SNCAIP: variants seen among roughly 807,000 people sequenced by gnomAD.
SNCAIP encodes synuclein alpha interacting protein, also known as synphilin-1.
SNCAIP carries 43 observed loss-of-function variants against 86.7 expected under a neutral mutation model. That is an observed-to-expected ratio of 0.50 (90% CI 0.39 to 0.64). SNCAIP has a LOEUF of 0.64. Ranked by LOEUF, SNCAIP falls within the 30% of genes least tolerant of loss-of-function variation. The probability of loss-of-function intolerance (pLI) is 0.00; values close to 1 mark genes in which losing one functional copy is unlikely to be tolerated. For missense variants in SNCAIP, 981 were observed against 1,103.1 expected (o/e 0.89, Z 1.57); for synonymous variants, 417 against 427.2 (o/e 0.98, Z 0.29).
At chr5:122,312,869 G>T (rs1750904222) in intron 1 of SNCAIP, 2 of 152,444 alleles carry the variant, frequency 1.3e-5, no homozygotes, top group South Asian at 4.1e-4. Context: ...TTTCAGAGGG[G>T]AATGTTTCTC....
At chr5:122,370,128 C>T (rs1763996716) in intron 1 of SNCAIP, 1 of 151,978 alleles carries the variant, frequency 6.6e-6, no homozygotes, top group African/African-American at 2.4e-5. Flanking sequence ...CCCAGTTACT[C>T]CAATTTGATC....
intron 2 of SNCAIP, among the ~76,000 whole-genome samples, chr5:122,391,915 GC>G (rs991981503): frequency 6.6e-6 from 1 of 152,174 alleles, no homozygotes; most frequent in Non-Finnish European, 1.5e-5. Context: ...GGCCTGGAGT[GC>G]CCCAGCAAAA....
At chr5:122,428,569 T>TG (rs948699841) in intron 5 of SNCAIP, among the ~76,000 whole-genome samples, 1 of 90,220 alleles carries the variant, frequency 1.1e-5, no homozygotes, top group Non-Finnish European at 2.7e-5. Flanking sequence ...TCTCAATAAG[T>TG]TTTTTTTTTT....
chr5:122,391,293 T>A, intron 2 of SNCAIP, 102 bp downstream of exon 2: 1 of 878,078 alleles, frequency 1.1e-6, no homozygotes, highest in Non-Finnish European at 1.9e-6. Flanking sequence ...CTTTTCTGAC[T>A]ACATTTAGAA....
intron 6 of SNCAIP, among the ~76,000 whole-genome samples, chr5:122,439,369 T>C (rs560193993): frequency 1.1e-3 from 166 of 152,302 alleles, no homozygotes; most frequent in African/African-American, 3.9e-3. Flanking sequence ...GATGCCTTCT[T>C]AGAAGGCTGT....
chr5:122,390,157 G>C (rs930333030), intron 1 of SNCAIP, among the ~76,000 whole-genome samples: 2 of 152,074 alleles, frequency 1.3e-5, no homozygotes, highest in South Asian at 4.1e-4. Flanking sequence ...TCAAATCTGG[G>C]TACTTAAGAT....
intron 1 of SNCAIP, among the ~76,000 whole-genome samples, chr5:122,387,744 A>G (rs988033015): frequency 2.0e-5 from 3 of 152,146 alleles, no homozygotes; most frequent in Admixed American, 2.0e-4. Context: ...AGGAAACATA[A>G]TCCCCACTTC....
chr5:122,439,320 C>T (rs1244704309), intron 6 of SNCAIP, among the ~76,000 whole-genome samples: 2 of 152,200 alleles, frequency 1.3e-5, no homozygotes, highest in Non-Finnish European at 2.9e-5. Context: ...TCTACCATGT[C>T]TGTCTCCTTT....
chr5:122,394,079 T>C (rs1041500153), intron 2 of SNCAIP, among the ~76,000 whole-genome samples: 2 of 151,558 alleles, frequency 1.3e-5, no homozygotes, highest in African/African-American at 4.9e-5. Flanking sequence ...CCCATGAACA[T>C]GCAATTTTCT....
At chr5:122,324,629 T>A (rs991640536) in intron 1 of SNCAIP, among the ~76,000 whole-genome samples, 2 of 152,200 alleles carry the variant, frequency 1.3e-5, no homozygotes, top group Non-Finnish European at 2.9e-5. Flanking sequence ...ACAAAAGATA[T>A]CTTGTTACCT....
intron 3 of SNCAIP, among the ~76,000 whole-genome samples, chr5:122,406,419 A>G (rs1773002165): frequency 6.6e-6 from 1 of 152,146 alleles, no homozygotes; most frequent in Admixed American, 6.5e-5. Flanking sequence ...CTCAGGGGAA[A>G]CTTCCTCAAC....
intron 1 of SNCAIP, among the ~76,000 whole-genome samples, chr5:122,324,531 C>T (rs1475806373): frequency 1.3e-5 from 2 of 152,150 alleles, no homozygotes; most frequent in African/African-American, 4.8e-5. Context: ...TAAATGAATC[C>T]TTCAACATGT....
chr5:122,459,816 C>T (rs1000597478), intron 10 of SNCAIP, among the ~76,000 whole-genome samples: 8 of 152,118 alleles, frequency 5.3e-5, no homozygotes, highest in Admixed American at 2.6e-4. Context: ...GTAATACTAG[C>T]ATTATAATAA....
rs1343310582 is a variant in SNCAIP at position 122,451,050 on chromosome 5, T to C, written c.2203T>C (p.Phe735Leu). 3.1e-6 allele frequency: 5 copies of C among 1,614,152 alleles called. No individual in the cohort carries two copies. The part of the protein sequence containing the change: ...TLASGGRRFP[F>L]SIKASKSLDG... The stretch of plus-strand genomic sequence containing the variant: ...GGCATCAGGGGGACGCAGGTTTCCT[T>C]TCAGCATCAAGGCCTCCAAATCCCT... Residue 735 changes from phenylalanine to leucine, a missense_variant, in exon 10 of 11, where the codon TTC becomes CTC. Physicochemically the swap from Phe to Leu is conservative, Grantham distance 22. Coordinates refer to ENST00000261368, the MANE Select transcript of SNCAIP (RefSeq NM_005460.4).
rs372356875 is a variant in SNCAIP, at chr5:122,394,161, G to C, written c.57+2970G>C. 2.0e-5 allele frequency among the ~76,000 whole-genome samples: 3 copies of C among 152,078 alleles called. No homozygotes were observed. In the East Asian group the frequency reaches 5.8e-4, roughly 29 times the overall value. On this transcript the variant is annotated intron_variant, in intron 2 of 10. Transcript: ENST00000261368. ...CCTCTTTCCTGGTTAAGTGGCAGGAGGGGGAGGAAACTGCACATTACACCT... is the reference window on the plus strand; with the variant it reads ...CCTCTTTCCTGGTTAAGTGGCAGGACGGGGAGGAAACTGCACATTACACCT...
At chr5:122,438,689 A>G (rs1286022298) in intron 6 of SNCAIP, among the ~76,000 whole-genome samples, 1 of 152,214 alleles carries the variant, frequency 6.6e-6, no homozygotes, top group Non-Finnish European at 1.5e-5. Flanking sequence ...ATTTCCAAGA[A>G]TCTGTCCATG....
intron 1 of SNCAIP, among the ~76,000 whole-genome samples, chr5:122,372,223 G>T (rs899020235): frequency 2.0e-5 from 3 of 152,064 alleles, no homozygotes; most frequent in Admixed American, 6.6e-5. Flanking sequence ...ATTCTAATCT[G>T]TATTTTTTTG....
intron 3 of SNCAIP, among the ~76,000 whole-genome samples, chr5:122,405,760 C>T (rs1260478837): frequency 2.6e-5 from 4 of 152,186 alleles, no homozygotes; most frequent in African/African-American, 7.2e-5. Flanking sequence ...AATGGTGACT[C>T]TTACCAAGTT....
At chr5:122,436,021 G>A (rs1235427944) in intron 6 of SNCAIP, among the ~76,000 whole-genome samples, 2 of 152,050 alleles carry the variant, frequency 1.3e-5, no homozygotes, top group Non-Finnish European at 2.9e-5. Flanking sequence ...GACTCAAGGG[G>A]CACAAAGGGA....
Sources: allele counts gnomAD v4.1 joint callset (sites outside exome capture counted in the v4.1 genomes callset), GRCh38; gene constraint gnomAD v4.1.1; transcripts MANE v1.5; gene names NCBI Gene and HGNC (gene_info 2026-07-23, HGNC 2026-07-21).